Variants in FBN1 observed in about 807,000 individuals in gnomAD.
FBN1 encodes fibrillin 1.
In FBN1, 29 loss-of-function variants were observed where a neutral mutation model predicts 365.1. The observed-to-expected ratio is 0.08, with a 90% CI of 0.06 to 0.11. The LOEUF (loss-of-function observed/expected upper bound fraction) is 0.11, where lower values mean the gene tolerates loss of function less well. FBN1 is among the 10% of genes least tolerant of loss of function. FBN1 has a pLI of 1.00. For missense variants in FBN1, 2,476 were observed against 3,703.2 expected, an observed-to-expected ratio of 0.67 and a Z score of 8.60; for synonymous variants, 1,210 against 1,270.5, an observed-to-expected ratio of 0.95 and a Z score of 1.01.
chr15:48,571,591 T>A lies in FBN1; in HGVS notation c.538+24692A>T, dbSNP rs187569363. Among the ~76,000 whole-genome samples the A allele has an allele frequency of 9.2e-5, 14 of 152,136 alleles. 1 individual carries two copies. The highest frequency in any genetic ancestry group is 2.1e-4 in the Non-Finnish European group (14 of 68,008). ...AGAACCTATTTCAATAAAGAGTAAATGTCTATTGTTGGGAATAAGCAAGGA... is the reference window on the plus strand; with the variant it reads ...AGAACCTATTTCAATAAAGAGTAAAAGTCTATTGTTGGGAATAAGCAAGGA... On this transcript the variant is annotated intron_variant, in intron 6 of 65. Transcript: ENST00000316623.
rs1190244413 is a variant in FBN1 at position 48,408,644 on chromosome 15, T to TA, written c.*2345dup. 3 of 152,654 alleles carry TA rather than the reference T, an allele frequency of 2.0e-5. No individual in the cohort carries two copies. Among genetic ancestry groups the TA allele is most frequent in the African/African-American group, 7.2e-5 (3 of 41,462 alleles). 9.5% of individuals were successfully genotyped at this position (152,654 alleles called of 1,614,324 possible). On this transcript the variant is annotated 3_prime_UTR_variant, in exon 66 of 66. Coordinates refer to ENST00000316623, the MANE Select transcript of FBN1 (RefSeq NM_000138.5). ...CACAGACAATTGAAAGGTACAGGTT[T>TA]AAATCTCAGGATTAAAAAGAGTTCC...
At chr15:48,422,211 A>G in intron 60 of FBN1, 143 bp from the exon 61 acceptor site, 9 of 697,718 alleles carry the variant, frequency 1.3e-5, no homozygotes, top group South Asian at 1.2e-4. Context: ...AGGCAAGGAG[A>G]GACACAGGGG....
chr15:48,434,448 AAAG>A (rs1166859508), intron 54 of FBN1, 143 bp downstream of exon 54: 2 of 997,334 alleles, frequency 2.0e-6, no homozygotes, highest in East Asian at 4.9e-5. Flanking sequence ...AGAGGCCACA[AAAG>A]AAGAATGATC....
chr15:48,559,740 T>C (rs2044209663), intron 6 of FBN1, among the ~76,000 whole-genome samples: 1 of 152,156 alleles, frequency 6.6e-6, no homozygotes, highest in African/African-American at 2.4e-5. Flanking sequence ...AAAGAGATGA[T>C]GGCATATCAG....
intron 6 of FBN1, among the ~76,000 whole-genome samples, chr15:48,543,840 G>C (rs1197743548): frequency 1.3e-5 from 2 of 152,148 alleles, no homozygotes; most frequent in Non-Finnish European, 2.9e-5. Flanking sequence ...TAACGGTATT[G>C]TGGTTACATA....
rs794728224 is a variant in FBN1 at position 48,468,478 on chromosome 15, G to C, written c.4516C>G (p.Pro1506Ala). The change falls in exon 37 of 66, where the codon CCA becomes GCA. Residue 1506 changes from proline to alanine, a missense_variant. By Grantham distance (27) the Pro-to-Ala change is conservative (BLOSUM62 -1). Coordinates refer to ENST00000316623, the MANE Select transcript of FBN1 (RefSeq NM_000138.5). The stretch of plus-strand genomic sequence containing the variant: ...GGGCAGTCACAGATATAGCTGCCTG[G>C]AGTGTTGACACAGTTCCCACTGATG... ...TCISGNCVNT[P>A]GSYICDCPPD... is the part of the protein sequence containing the mutation. 1 of 1,614,074 alleles carries C rather than the reference G, an allele frequency of 6.2e-7. No homozygotes were observed. Among genetic ancestry groups the C allele is most frequent in the Non-Finnish European group, 8.5e-7 (1 of 1,179,952 alleles).
chr15:48,453,794 C>T (rs542962041), intron 44 of FBN1, among the ~76,000 whole-genome samples: 15 of 151,682 alleles, frequency 9.9e-5, no homozygotes, highest in South Asian at 6.3e-4. Context: ...TTCTCAATAT[C>T]GCTGTGGACC....
intron 2 of FBN1, among the ~76,000 whole-genome samples, chr15:48,633,182 A>C (rs1890020264): frequency 6.6e-6 from 1 of 152,226 alleles, no homozygotes; most frequent in Non-Finnish European, 1.5e-5. Context: ...GGTCCTATTC[A>C]AACGCAGCTA....
intron 6 of FBN1, among the ~76,000 whole-genome samples, chr15:48,578,757 C>G (rs1487892249): frequency 2.7e-3 from 366 of 135,042 alleles, no homozygotes; most frequent in Middle Eastern, 3.7e-3. Flanking sequence ...ATCGCAAGAA[C>G]AAAAAACCAA....
chr15:48,413,651 T>C (rs2042881045), intron 64 of FBN1, among the ~76,000 whole-genome samples: 1 of 152,352 alleles, frequency 6.6e-6, no homozygotes, highest in Admixed American at 6.5e-5. Context: ...AGAATCTTTA[T>C]TTGGGGGCAG....
At chr15:48,530,180 G>A (rs962448132) in intron 8 of FBN1, among the ~76,000 whole-genome samples, 1 of 138,196 alleles carries the variant, frequency 7.2e-6, no homozygotes, top group Admixed American at 7.4e-5. Context: ...TGCATCCGCC[G>A]CCTCATCACA....
At chr15:48,512,639 T>C (rs1261485168) in intron 13 of FBN1, among the ~76,000 whole-genome samples, 1 of 152,210 alleles carries the variant, frequency 6.6e-6, no homozygotes, top group Non-Finnish European at 1.5e-5. Flanking sequence ...TCCATGTCCC[T>C]GCAACGGACA....
intron 12 of FBN1, among the ~76,000 whole-genome samples, chr15:48,514,431 G>C (rs867649864): frequency 6.6e-6 from 1 of 152,048 alleles, no homozygotes; most frequent in Admixed American, 6.6e-5. Context: ...TAAATAGTTT[G>C]GGAAAGTAAG....
chr15:48,411,246 A>G lies in FBN1; in HGVS notation c.8360T>C (p.Leu2787Pro), dbSNP rs1321717518. The G allele has an allele frequency of 6.2e-7, 1 of 1,614,030 alleles. No homozygotes were observed. The highest frequency in any genetic ancestry group is 8.5e-7 in the Non-Finnish European group (1 of 1,180,010). The change falls in exon 66 of 66, where the codon CTG (leucine) becomes CCG (proline). Residue 2787 changes from leucine to proline, a missense_variant. Physicochemically the swap from Leu to Pro is moderately conservative, Grantham distance 98. Coordinates refer to ENST00000316623, the MANE Select transcript of FBN1 (RefSeq NM_000138.5). ...ILELLPALTTLTNHNRYLIES... is the reference protein window; with the variant it reads ...ILELLPALTTPTNHNRYLIES... The stretch of plus-strand genomic sequence containing the variant: ...GATCAAGTATCTGTTGTGATTCGTC[A>G]GAGTTGTAAGAGCTGGAAGGAGTTC...
chr15:48,574,956 G>T (rs1566930176), intron 6 of FBN1, among the ~76,000 whole-genome samples: 1 of 152,134 alleles, frequency 6.6e-6, no homozygotes, highest in East Asian at 1.9e-4. Context: ...AAATTCTGAG[G>T]TTATGTTAGA....
At chr15:48,619,619 T>C (rs1320576366) in intron 2 of FBN1, among the ~76,000 whole-genome samples, 1 of 152,162 alleles carries the variant, frequency 6.6e-6, no homozygotes, top group Non-Finnish European at 1.5e-5. Flanking sequence ...TCTTCCTGTG[T>C]AGCCAGTAAG....
chr15:48,531,755 T>C lies in FBN1; in HGVS notation c.862+2325A>G, dbSNP rs542443267. On this transcript the variant is annotated intron_variant, in intron 8 of 65. Coordinates refer to ENST00000316623, the MANE Select transcript of FBN1 (RefSeq NM_000138.5). Reference sequence around the variant, plus strand: ...TGCCAAGAGCTCTCAGGGTACTTCCTGATTACTTTCTTACCAGAGTAAGAC... The same window carrying C: ...TGCCAAGAGCTCTCAGGGTACTTCCCGATTACTTTCTTACCAGAGTAAGAC... 2.6e-4 allele frequency among the ~76,000 whole-genome samples: 40 copies of C among 152,312 alleles called. 1 individual carries two copies. Among genetic ancestry groups the C allele is most frequent in the South Asian group, 2.3e-3 (11 of 4,830 alleles).
intron 2 of FBN1, among the ~76,000 whole-genome samples, chr15:48,637,149 C>T (rs183972585): frequency 6.6e-6 from 1 of 152,300 alleles, no homozygotes; most frequent in Admixed American, 6.5e-5. Context: ...CTTCTTTCTT[C>T]ACCCCTTTCA....
chr15:48,463,784 G>C lies in FBN1; in HGVS notation c.5065+115C>G, dbSNP rs1319043553. ...GAGTCTCCTAACAAGACAGTGAAGG[G>C]ATGCCAGCACTCAGTCTGATGAGTA... On this transcript the variant is annotated intron_variant, in intron 41 of 65. Transcript: ENST00000316623. The C allele has an allele frequency of 2.6e-6, 3 of 1,165,718 alleles. No individual in the cohort carries two copies. In the African/African-American group the frequency reaches 4.6e-5, roughly 18 times the overall value. The allele number at this position is 1,165,718 out of a possible 1,614,324, so 72.2% of individuals were successfully genotyped here.
Sources: allele counts gnomAD v4.1 joint callset (sites outside exome capture counted in the v4.1 genomes callset), GRCh38; gene constraint gnomAD v4.1.1; transcripts MANE v1.5; gene names NCBI Gene and HGNC (gene_info 2026-07-23, HGNC 2026-07-21).